ST8SIA1: variants seen among roughly 807,000 people sequenced by gnomAD.
The protein encoded by ST8SIA1 is ST8 alpha-N-acetyl-neuraminide alpha-2,8-sialyltransferase 1, also known as alpha-N-acetylneuraminide alpha-2,8-sialyltransferase.
Under a neutral mutation model 35.9 loss-of-function variants are expected in ST8SIA1, and 16 were observed. The ratio of observed to expected loss-of-function variants is 0.45; its 90% CI spans 0.30 to 0.68. The LOEUF (loss-of-function observed/expected upper bound fraction) is 0.68, where lower values mean the gene tolerates loss of function less well. ST8SIA1 is among the 30% of genes least tolerant of loss of function. ST8SIA1 has a pLI of 0.09. For missense variants in ST8SIA1, 383 were observed against 453.6 expected, an observed-to-expected ratio of 0.84 and a Z score of 1.41; for synonymous variants, 170 against 169.6, an observed-to-expected ratio of 1.00 and a Z score of -0.02.
chr12:22,194,845 T>G lies in ST8SIA1; in HGVS notation c.*6707A>C, dbSNP rs1315600414. 1 of 152,006 alleles carries G rather than the reference T, an allele frequency of 6.6e-6. No homozygotes were observed. The highest frequency in any genetic ancestry group is 2.4e-5 in the African/African-American group (1 of 41,380). The allele number at this position is 152,006 out of a possible 1,614,324, so 9.4% of individuals were successfully genotyped here. ...ATGACAGATGTAAATAATAATCTTA[T>G]TTGGGGAATATGTACCAAAGTACAG... On this transcript the variant is annotated 3_prime_UTR_variant, in exon 5 of 5. Transcript: ENST00000396037.
At chr12:22,203,057 C>T (rs901617382) in intron 4 of ST8SIA1, among the ~76,000 whole-genome samples, 12 of 152,110 alleles carry the variant, frequency 7.9e-5, no homozygotes, top group African/African-American at 2.2e-4. Flanking sequence ...GCAGTGACTG[C>T]TTACAGCACT....
rs7971462 is a variant in ST8SIA1, at chr12:22,294,166, C to T, written c.237-6873G>A. On this transcript the variant is annotated intron_variant, in intron 1 of 4. Transcript: ENST00000396037. ...TTTATTTTCAGTCTCCCTGTTTATACCTACTAGTCTATGTAGCTAGAAAGA... is the reference window on the plus strand; with the variant it reads ...TTTATTTTCAGTCTCCCTGTTTATATCTACTAGTCTATGTAGCTAGAAAGA... 3.2e-3 allele frequency among the ~76,000 whole-genome samples: 482 copies of T among 152,160 alleles called. 6 individuals carry two copies. The highest frequency in any genetic ancestry group is 0.011 in the African/African-American group (456 of 41,524).
chr12:22,268,397 G>A (rs1343966581), intron 2 of ST8SIA1: 4 of 152,268 alleles, frequency 2.6e-5, no homozygotes, highest in Admixed American at 2.6e-4. Context: ...GGAAGTGCTA[G>A]AGACTGTGGC....
At chr12:22,220,913 C>T (rs1442015753) in intron 4 of ST8SIA1, among the ~76,000 whole-genome samples, 2 of 152,172 alleles carry the variant, frequency 1.3e-5, no homozygotes, top group African/African-American at 4.8e-5. Flanking sequence ...CCCAGTAATC[C>T]ATGCCTGCCT....
intron 2 of ST8SIA1, among the ~76,000 whole-genome samples, chr12:22,267,048 C>T (rs1865857730): frequency 6.6e-6 from 1 of 152,124 alleles, no homozygotes; most frequent in Admixed American, 6.5e-5. Context: ...AAATACCAAG[C>T]AAGTTTCAGT....
intron 4 of ST8SIA1, among the ~76,000 whole-genome samples, chr12:22,223,076 T>A (rs1367495392): frequency 6.6e-6 from 1 of 152,194 alleles, no homozygotes. Flanking sequence ...TTAACAAACA[T>A]GTGTTTGCTT....
At chr12:22,245,503 AAATT>A (rs1865589630) in intron 4 of ST8SIA1, among the ~76,000 whole-genome samples, 1 of 152,258 alleles carries the variant, frequency 6.6e-6, no homozygotes, top group Admixed American at 6.5e-5. Context: ...CACTTTTACA[AAATT>A]ATTTATAACC....
chr12:22,253,886 T>C (rs1306853091), intron 3 of ST8SIA1, among the ~76,000 whole-genome samples: 2 of 152,144 alleles, frequency 1.3e-5, no homozygotes, highest in Non-Finnish European at 2.9e-5. Flanking sequence ...AGAGGGAACT[T>C]AGCCCCCACA....
chr12:22,284,897 GA>G (rs1434853931), intron 2 of ST8SIA1, among the ~76,000 whole-genome samples: 1 of 152,032 alleles, frequency 6.6e-6, no homozygotes, highest in Admixed American at 6.6e-5. Flanking sequence ...TACAAAGTTA[GA>G]ATTCATTTGG....
intron 1 of ST8SIA1, among the ~76,000 whole-genome samples, chr12:22,287,863 T>C (rs2135817020): frequency 6.6e-6 from 1 of 152,330 alleles, no homozygotes; most frequent in East Asian, 1.9e-4. Flanking sequence ...AAATGAATGA[T>C]GTGATCTCAG....
intron 4 of ST8SIA1, chr12:22,248,719 A>G (rs1865631931): frequency 7.4e-6 from 2 of 268,946 alleles, no homozygotes; most frequent in South Asian, 2.5e-4. Flanking sequence ...AAGTAGCAGT[A>G]ATGAGTAAAC....
chr12:22,258,889 C>A lies in ST8SIA1; in HGVS notation c.382-3500G>T, dbSNP rs550052166. Among the ~76,000 whole-genome samples the A allele has an allele frequency of 2.0e-5, 3 of 152,286 alleles. No individual in the cohort carries two copies. In the East Asian group the frequency reaches 5.8e-4, roughly 29 times the overall value. ...GCAGCAACATAGTCCTAGTTATAAA[C>A]ATTACCTCCTAACTTCCAAACTGTG... is the stretch of plus-strand genomic sequence containing the variant. On this transcript the variant is annotated intron_variant, in intron 2 of 4. Transcript: ENST00000396037.
At chr12:22,231,635 G>A (rs916748647) in intron 4 of ST8SIA1, among the ~76,000 whole-genome samples, 9 of 151,546 alleles carry the variant, frequency 5.9e-5, no homozygotes, top group African/African-American at 2.2e-4. Context: ...GTGCAGTGGT[G>A]CGATCTTGGC....
At chr12:22,220,779 G>A (rs1385676362) in intron 4 of ST8SIA1, among the ~76,000 whole-genome samples, 1 of 152,146 alleles carries the variant, frequency 6.6e-6, no homozygotes, top group East Asian at 1.9e-4. Context: ...TCTCCAATGT[G>A]GTGAAGTTGA....
intron 1 of ST8SIA1, among the ~76,000 whole-genome samples, chr12:22,321,005 AG>A (rs1227631844): frequency 6.9e-5 from 4 of 58,084 alleles, no homozygotes; most frequent in Admixed American, 1.5e-4. Flanking sequence ...GAAAGAAAGA[AG>A]AAAGAAAGAA....
intron 1 of ST8SIA1, among the ~76,000 whole-genome samples, chr12:22,298,025 G>A (rs976116531): frequency 2.0e-5 from 3 of 152,064 alleles, no homozygotes; most frequent in Non-Finnish European, 2.9e-5. Flanking sequence ...CTACATAATG[G>A]AGCCTCCATA....
At chr12:22,240,593 A>G (rs1159137824) in intron 4 of ST8SIA1, among the ~76,000 whole-genome samples, 1 of 152,142 alleles carries the variant, frequency 6.6e-6, no homozygotes, top group African/African-American at 2.4e-5. Flanking sequence ...AGTTTGAAAC[A>G]TGCATGTATA....
chr12:22,203,700 A>G (rs575458824), intron 4 of ST8SIA1, among the ~76,000 whole-genome samples: 1 of 152,262 alleles, frequency 6.6e-6, no homozygotes, highest in South Asian at 2.1e-4. Flanking sequence ...AGCCTCTCCA[A>G]TACAAATTCC....
chr12:22,223,599 G>C (rs1865324834), intron 4 of ST8SIA1: 1 of 1,069,418 alleles, frequency 9.4e-7, no homozygotes, highest in African/African-American at 1.7e-5. Flanking sequence ...CAAGCAGCAT[G>C]AGTCTGGAGT....
Sources: gnomAD v4.1 joint callset for allele counts (sites outside exome capture counted in the v4.1 genomes callset) on GRCh38, gnomAD v4.1.1 for gene constraint, MANE v1.5 for transcripts, NCBI Gene and HGNC (gene_info 2026-07-23, HGNC 2026-07-21) for gene names.